Variants in ZDHHC15 observed in about 807,000 individuals in gnomAD.
ZDHHC15 encodes zDHHC palmitoyltransferase 15.
In ZDHHC15, 19 loss-of-function variants were observed where a neutral mutation model predicts 31.7. The observed-to-expected ratio is 0.60, with a 90% CI of 0.42 to 0.88. ZDHHC15 has a LOEUF of 0.88. ZDHHC15 is among the 40% of genes least tolerant of loss of function. The pLI is 0.00. For synonymous variants in ZDHHC15, 103 were observed against 90.0 expected, an observed-to-expected ratio of 1.14 and a Z score of -0.82; for missense variants, 209 against 251.2, an observed-to-expected ratio of 0.83 and a Z score of 1.14.
intron 10 of ZDHHC15, among the ~76,000 whole-genome samples, chrX:75,381,507 C>G (rs2083114300): frequency 9.0e-6 from 1 of 111,574 alleles, no homozygotes; most frequent in Non-Finnish European, 1.9e-5. Context: ...TTTTGCTGTT[C>G]TTTCCAGTTC....
chrX:75,513,537 C>T (rs1025734414), intron 1 of ZDHHC15, among the ~76,000 whole-genome samples: 29 of 111,361 alleles, frequency 2.6e-4, no homozygotes, highest in Non-Finnish European at 5.3e-4. Context: ...TCCTCCACAT[C>T]CCAGATCAGT....
intron 2 of ZDHHC15, among the ~76,000 whole-genome samples, chrX:75,500,869 C>T (rs2085077611): frequency 9.1e-6 from 1 of 110,136 alleles, no homozygotes; most frequent in Non-Finnish European, 1.9e-5. Context: ...ACGTTTTACT[C>T]TCAGTGCCCT....
chrX:75,442,191 T>C (rs1228819511), intron 4 of ZDHHC15, among the ~76,000 whole-genome samples: 2 of 112,118 alleles, frequency 1.8e-5, no homozygotes, highest in African/African-American at 6.5e-5. Context: ...GCAGATTGTC[T>C]TCCCCAGTGG....
rs934101469 is a variant in ZDHHC15 at position 75,515,680 on chromosome X, G to C, written c.136+7209C>G. On this transcript the variant is annotated intron_variant, in intron 1 of 11. Coordinates refer to ENST00000373367, the MANE Select transcript of ZDHHC15 (RefSeq NM_144969.3). ...TCCCTTTGAAAACTGGCACAAGACAGGGATGCCCTCTCTCACCACTCCTAT... is the reference window on the plus strand; with the variant it reads ...TCCCTTTGAAAACTGGCACAAGACACGGATGCCCTCTCTCACCACTCCTAT... Among the ~76,000 whole-genome samples the C allele has an allele frequency of 3.6e-5, 4 of 111,817 alleles. No homozygotes were observed. The East Asian group carries it at 8.5e-4, about 24-fold the overall frequency.
At chrX:75,376,409 G>T (rs1011614262) in intron 11 of ZDHHC15, among the ~76,000 whole-genome samples, 1 of 111,141 alleles carries the variant, frequency 9.0e-6, no homozygotes, top group Non-Finnish European at 1.9e-5. Context: ...AGTTTAATTA[G>T]ATCCCACTTG....
intron 4 of ZDHHC15, among the ~76,000 whole-genome samples, chrX:75,436,899 T>G (rs1444428493): frequency 8.9e-6 from 1 of 112,778 alleles, no homozygotes; most frequent in Non-Finnish European, 1.9e-5. Context: ...TTTGTCTTTT[T>G]GAGACGGAGT....
intron 2 of ZDHHC15, among the ~76,000 whole-genome samples, chrX:75,489,815 C>A (rs186464855): frequency 1.8e-5 from 2 of 111,566 alleles, no homozygotes; most frequent in African/African-American, 6.5e-5. Context: ...GAAGTTCGAA[C>A]CCATGGCAAA....
intron 3 of ZDHHC15, among the ~76,000 whole-genome samples, chrX:75,477,951 C>G (rs1450708688): frequency 9.0e-6 from 1 of 110,647 alleles, no homozygotes; most frequent in African/African-American, 3.3e-5. Context: ...ACATTGTTGC[C>G]TTTCTCTGTA....
intron 10 of ZDHHC15, among the ~76,000 whole-genome samples, chrX:75,389,408 C>T (rs986220349): frequency 5.5e-5 from 6 of 109,593 alleles, no homozygotes; most frequent in African/African-American, 2.0e-4. Context: ...GTAACCCCTC[C>T]CACAACGTCA....
At chrX:75,428,407 A>G (rs2083739033) in intron 7 of ZDHHC15, among the ~76,000 whole-genome samples, 3 of 111,647 alleles carry the variant, frequency 2.7e-5, no homozygotes, top group Non-Finnish European at 3.8e-5. Context: ...ACTTTTTTTG[A>G]GATTTCATTA....
intron 2 of ZDHHC15, among the ~76,000 whole-genome samples, chrX:75,503,710 A>G (rs1470615632): frequency 9.0e-6 from 1 of 111,260 alleles, no homozygotes; most frequent in Non-Finnish European, 1.9e-5. Context: ...TAGAGAGTGA[A>G]ATTTATCAGG....
In ZDHHC15 at chrX:75,461,034, G is replaced by T. The variant is rs190128926; in HGVS notation, c.259-10112C>A. 1.5e-4 allele frequency among the ~76,000 whole-genome samples: 17 copies of T among 111,516 alleles called. No homozygotes were observed. The East Asian group carries it at 4.5e-3, about 30-fold the overall frequency. ...TTGTAACCCAATGCAAAGAGGCTAA[G>T]AATCATGATAAAACAATACAGGAGC... On this transcript the variant is annotated intron_variant, in intron 3 of 11. Transcript: ENST00000373367.
chrX:75,386,756 C>T (rs1180113753), intron 10 of ZDHHC15, among the ~76,000 whole-genome samples: 1 of 112,493 alleles, frequency 8.9e-6, no homozygotes, highest in Non-Finnish European at 1.9e-5. Flanking sequence ...GGATTACAGG[C>T]ATGAGCCACT....
intron 3 of ZDHHC15, among the ~76,000 whole-genome samples, chrX:75,470,581 G>T (rs2084488529): frequency 9.0e-6 from 1 of 111,415 alleles, no homozygotes; most frequent in Admixed American, 9.6e-5. Context: ...ACTGGACACT[G>T]GCTCTGAGCT....
Position 75,417,173 on chromosome X carries a change from G to T in ZDHHC15, c.881C>A (p.Ser294Tyr). 8.3e-7 allele frequency: 1 copy of T among 1,205,244 alleles called. No individual in the cohort carries two copies. The highest frequency in any genetic ancestry group is 1.8e-5 in the South Asian group (1 of 56,486). ...PIGSSPGDGH[S>Y]FPMRSMNESQ... ...CTCATTCATAGACCTCATAGGGAAG[G>T]AGTGTCCATCACCAGGGCTGATGGG... Residue 294 changes from serine to tyrosine, a missense_variant, in exon 10 of 12, where the codon TCC (serine) becomes TAC (tyrosine). Physicochemically the swap from Ser to Tyr is moderately radical, Grantham distance 144. Transcript: ENST00000373367.
rs145067979 is a variant in ZDHHC15 at position 75,505,369 on chromosome X, G to C, written c.163+452C>G. ...CTTTAGAAAGGTAGTATATTTTGCA[G>C]GTCAAGCCAAGATGGTGGTGAGGAG... On this transcript the variant is annotated intron_variant, in intron 2 of 11. Coordinates refer to ENST00000373367, the MANE Select transcript of ZDHHC15 (RefSeq NM_144969.3). Among the ~76,000 whole-genome samples, 886 of 111,327 alleles carry C rather than the reference G, an allele frequency of 8.0e-3. 11 individuals are homozygous for C. The highest frequency in any genetic ancestry group is 0.026 in the African/African-American group (812 of 30,724).
At chrX:75,462,934 A>G (rs758559993) in intron 3 of ZDHHC15, among the ~76,000 whole-genome samples, 3 of 111,369 alleles carry the variant, frequency 2.7e-5, no homozygotes, top group African/African-American at 9.8e-5. Flanking sequence ...GCTGAACTGA[A>G]GGAGACAGAG....
chrX:75,396,677 G>T (rs2083302101), intron 10 of ZDHHC15, among the ~76,000 whole-genome samples: 1 of 111,901 alleles, frequency 8.9e-6, no homozygotes, highest in Non-Finnish European at 1.9e-5. Flanking sequence ...ATATTGGAGA[G>T]ATATCTGCAT....
At chrX:75,469,794 T>C (rs1172812983) in intron 3 of ZDHHC15, among the ~76,000 whole-genome samples, 1 of 111,458 alleles carries the variant, frequency 9.0e-6, no homozygotes, top group Non-Finnish European at 1.9e-5. Context: ...TGAGGAACCA[T>C]TATACTGTTT....
Sources: gnomAD v4.1 joint callset for allele counts (sites outside exome capture counted in the v4.1 genomes callset) on GRCh38, gnomAD v4.1.1 for gene constraint, MANE v1.5 for transcripts, NCBI Gene and HGNC (gene_info 2026-07-23, HGNC 2026-07-21) for gene names.